BMPR1B: variants seen among roughly 807,000 people sequenced by gnomAD.
BMPR1B encodes the protein bone morphogenetic protein receptor type 1B, also known as bone morphogenetic protein receptor type-1B.
In BMPR1B, 12 loss-of-function variants were observed where a neutral mutation model predicts 59.1. The observed-to-expected ratio is 0.20, with a 90% CI of 0.13 to 0.33. The LOEUF is 0.33. Ranked by LOEUF, BMPR1B falls within the 10% of genes least tolerant of loss-of-function variation. The pLI, the probability that BMPR1B is intolerant of heterozygous loss-of-function variation, is 1.00. For missense variants in BMPR1B, 550 were observed against 610.9 expected (o/e 0.90, Z 1.05); for synonymous variants, 237 against 207.3 (o/e 1.14, Z -1.23).
intron 1 of BMPR1B, among the ~76,000 whole-genome samples, chr4:94,781,637 C>T (rs1722593228): frequency 1.3e-5 from 2 of 152,202 alleles, no homozygotes; most frequent in South Asian, 4.1e-4. Flanking sequence ...ATCTCAAACT[C>T]CTGGCCTCGT....
At chr4:94,926,705 TA>T (rs1560550817) in intron 2 of BMPR1B, among the ~76,000 whole-genome samples, 1 of 152,060 alleles carries the variant, frequency 6.6e-6, no homozygotes, top group Non-Finnish European at 1.5e-5. Flanking sequence ...TAATGATTTA[TA>T]GGGGTGTGTG....
At chr4:95,121,896 G>A (rs1472943725) in intron 6 of BMPR1B, among the ~76,000 whole-genome samples, 1 of 152,124 alleles carries the variant, frequency 6.6e-6, no homozygotes, top group Non-Finnish European at 1.5e-5. Context: ...ATAATCATTA[G>A]CATGTGCAAA....
intron 1 of BMPR1B, among the ~76,000 whole-genome samples, chr4:94,781,879 T>G (rs930238783): frequency 1.3e-5 from 2 of 152,200 alleles, no homozygotes; most frequent in Non-Finnish European, 2.9e-5. Context: ...CATTGCAGTT[T>G]CCTTGTATGC....
chr4:94,761,302 A>G (rs548940084), intron 1 of BMPR1B, among the ~76,000 whole-genome samples: 21 of 152,144 alleles, frequency 1.4e-4, no homozygotes, highest in Non-Finnish European at 2.2e-4. Context: ...CTCCTAAATT[A>G]TTTCTATGTG....
intron 3 of BMPR1B, among the ~76,000 whole-genome samples, chr4:95,038,786 G>A (rs1235462030): frequency 6.6e-6 from 1 of 152,158 alleles, no homozygotes; most frequent in Non-Finnish European, 1.5e-5. Context: ...GGACTCTGAA[G>A]TGCTTCCACT....
At chr4:95,131,633 G>C in intron 10 of BMPR1B, 121 bp downstream of exon 10, 1 of 1,179,284 alleles carries the variant, frequency 8.5e-7, no homozygotes, top group Non-Finnish European at 1.2e-6. Flanking sequence ...GACATTTGAC[G>C]GGGAGAACCA....
At chr4:94,871,249 T>C (rs1320678189) in intron 1 of BMPR1B, among the ~76,000 whole-genome samples, 1 of 152,214 alleles carries the variant, frequency 6.6e-6, no homozygotes, top group African/African-American at 2.4e-5. Context: ...AAGTACCGTG[T>C]GCTTATTATG....
chr4:94,847,476 A>G (rs1725380886), intron 1 of BMPR1B, among the ~76,000 whole-genome samples: 1 of 152,180 alleles, frequency 6.6e-6, no homozygotes, highest in African/African-American at 2.4e-5. Flanking sequence ...TCGAATAGAT[A>G]TTTGCACTCC....
chr4:95,074,659 A>G (rs898669493), intron 3 of BMPR1B, among the ~76,000 whole-genome samples: 3 of 152,152 alleles, frequency 2.0e-5, no homozygotes, highest in Non-Finnish European at 4.4e-5. Flanking sequence ...ATATATATTC[A>G]GTCACTTTCA....
chr4:95,018,583 A>G (rs17022863), intron 3 of BMPR1B, among the ~76,000 whole-genome samples: 37,746 of 151,976 alleles, frequency 0.25, 6,067 homozygotes, highest in African/African-American at 0.46. Flanking sequence ...GATTACCTGG[A>G]TTTTTAAGTA....
rs140897040 is a variant in BMPR1B, at chr4:94,861,957, A to G, written c.-182-13874A>G. Among the ~76,000 whole-genome samples the G allele has an allele frequency of 9.1e-3, 1,378 of 152,214 alleles. 15 individuals carry two copies. Among genetic ancestry groups the G allele is most frequent in the Middle Eastern group, 0.071 (21 of 294 alleles). On this transcript the variant is annotated intron_variant, in intron 1 of 12. Coordinates refer to ENST00000515059, the MANE Select transcript of BMPR1B (RefSeq NM_001203.3). Reference sequence around the variant, plus strand: ...TTTATTCAGGTGGTGAATAATTTGTATTTACTGCTTATTTGACTTTAGTTG... The same window carrying G: ...TTTATTCAGGTGGTGAATAATTTGTGTTTACTGCTTATTTGACTTTAGTTG...
chr4:95,067,938 A>G (rs1727970253), intron 3 of BMPR1B, among the ~76,000 whole-genome samples: 1 of 152,204 alleles, frequency 6.6e-6, no homozygotes, highest in Non-Finnish European at 1.5e-5. Context: ...CTAAAGGATG[A>G]TAAGGCATTT....
chr4:94,994,093 G>A (rs1460540687), intron 2 of BMPR1B, among the ~76,000 whole-genome samples: 2 of 152,054 alleles, frequency 1.3e-5, no homozygotes, highest in Non-Finnish European at 1.5e-5. Flanking sequence ...ATGTCAATTT[G>A]GTAATGTGTA....
At chr4:94,893,911 A>G (rs1332422778) in intron 2 of BMPR1B, among the ~76,000 whole-genome samples, 1 of 152,084 alleles carries the variant, frequency 6.6e-6, no homozygotes, top group African/African-American at 2.4e-5. Context: ...GTGCTACTCA[A>G]GGTAAACAGT....
At chr4:95,036,402 C>CT (rs1026093518) in intron 3 of BMPR1B, among the ~76,000 whole-genome samples, 22 of 152,088 alleles carry the variant, frequency 1.4e-4, no homozygotes, top group Admixed American at 4.6e-4. Flanking sequence ...ATCCTATACC[C>CT]TTTTTGTCCA....
intron 2 of BMPR1B, among the ~76,000 whole-genome samples, chr4:94,902,122 C>T (rs1003305095): frequency 6.9e-6 from 1 of 143,932 alleles, no homozygotes; most frequent in African/African-American, 2.6e-5. Flanking sequence ...GACTATCCCT[C>T]TCTTGAGTAA....
intron 3 of BMPR1B, among the ~76,000 whole-genome samples, chr4:95,056,115 T>A (rs73838009): frequency 0.042 from 6,394 of 152,162 alleles, 464 homozygotes; most frequent in African/African-American, 0.15. Context: ...AGAACAATTA[T>A]CTTAATCAGC....
intron 1 of BMPR1B, among the ~76,000 whole-genome samples, chr4:94,777,479 C>G (rs1303559262): frequency 6.6e-6 from 1 of 152,030 alleles, no homozygotes; most frequent in Non-Finnish European, 1.5e-5. Context: ...AATCATTTTT[C>G]TGTTATTATG....
At chr4:95,096,000 A>G (rs1043886772) in intron 3 of BMPR1B, among the ~76,000 whole-genome samples, 1 of 151,668 alleles carries the variant, frequency 6.6e-6, no homozygotes, top group East Asian at 1.9e-4. Flanking sequence ...TGTACTCTTG[A>G]TATGTAATAG....
Sources: allele counts gnomAD v4.1 joint callset (sites outside exome capture counted in the v4.1 genomes callset), GRCh38; gene constraint gnomAD v4.1.1; transcripts MANE v1.5; gene names NCBI Gene and HGNC (gene_info 2026-07-23, HGNC 2026-07-21).